The following LCA5L variants were observed in gnomAD, a reference collection of about 807,000 sequenced individuals.
The protein encoded by LCA5L is lebercilin LCA5 like.
A neutral mutation model predicts 45.4 loss-of-function variants in LCA5L; 35 were observed. That is an observed-to-expected ratio of 0.77 (90% CI 0.59 to 1.02). The LOEUF (loss-of-function observed/expected upper bound fraction) is 1.02. LCA5L is among the 50% of genes least tolerant of loss of function. LCA5L has a pLI of 0.00. For synonymous variants in LCA5L, 233 were observed against 264.7 expected (o/e 0.88, Z 1.16); for missense variants, 668 against 761.6 (o/e 0.88, Z 1.45).
Position 39,444,186 on chromosome 21 carries a change from C to G in LCA5L, c.-297G>C, listed in dbSNP as rs2077175034. On this transcript the variant is annotated 5_prime_UTR_variant, in exon 2 of 11. Transcript: ENST00000288350. Reference sequence around the variant, plus strand: ...ATCATTTGTCTGCATCTCAGTTTGCCTCTTTTGGTGCTTCTCTAAAAAATA... The same window carrying G: ...ATCATTTGTCTGCATCTCAGTTTGCGTCTTTTGGTGCTTCTCTAAAAAATA... The G allele has an allele frequency of 1.3e-5, 2 of 152,092 alleles. No individual in the cohort carries two copies. Among genetic ancestry groups the G allele is most frequent in the South Asian group, 2.1e-4 (1 of 4,828 alleles). The allele number at this position is 152,092 out of a possible 1,614,324, so 9.4% of individuals were successfully genotyped here.
intron 5 of LCA5L, 57 bp from the exon 6 acceptor site, chr21:39,423,547 G>T: frequency 7.1e-7 from 1 of 1,411,148 alleles, no homozygotes; most frequent in Non-Finnish European, 9.5e-7. Context: ...ATGCAAATAT[G>T]CACATATGCA....
chr21:39,437,236 C>G (rs2076374402), intron 2 of LCA5L, among the ~76,000 whole-genome samples: 1 of 152,134 alleles, frequency 6.6e-6, no homozygotes, highest in African/African-American at 2.4e-5. Flanking sequence ...AACAAAAAAA[C>G]AGCTTTAAGC....
intron 2 of LCA5L, among the ~76,000 whole-genome samples, chr21:39,438,462 A>T (rs1300027045): frequency 6.6e-6 from 1 of 152,166 alleles, no homozygotes; most frequent in Non-Finnish European, 1.5e-5. Flanking sequence ...TAAAAATATA[A>T]AACTTCCTTA....
At chr21:39,436,952 G>C (rs2076348668) in intron 2 of LCA5L, among the ~76,000 whole-genome samples, 2 of 151,874 alleles carry the variant, frequency 1.3e-5, no homozygotes, top group African/African-American at 2.4e-5. Context: ...TACTTCCTCA[G>C]CCTGTTTGTA....
chr21:39,410,134 G>T, intron 9 of LCA5L, 38 bp from the exon 10 acceptor site: 1 of 1,417,830 alleles, frequency 7.1e-7, no homozygotes, highest in Non-Finnish European at 9.9e-7. Flanking sequence ...CATTTTGGGG[G>T]GTCTAGATAA....
Position 39,423,489 on chromosome 21 carries a change from G to T in LCA5L, c.324C>A (p.Gly108=), listed in dbSNP as rs1341899116. The T allele has an allele frequency of 1.9e-6, 3 of 1,541,966 alleles. No individual in the cohort carries two copies. Among genetic ancestry groups the T allele is most frequent in the Non-Finnish European group, 2.6e-6 (3 of 1,155,472 alleles). The change falls in exon 6 of 11, where the codon GGC becomes GGA. Residue 108 remains glycine, a splice_region_variant and synonymous_variant. Transcript: ENST00000288350. ...TTTTTTCAACTGATATTTCCTTCTG[G>T]CCTGTGTAAGCAGAAAATCCAGTTT... ...YNVSKISQSK[G]QKEISVEKKH...
intron 2 of LCA5L, among the ~76,000 whole-genome samples, chr21:39,436,735 C>T (rs1333168890): frequency 2.0e-5 from 3 of 152,186 alleles, no homozygotes; most frequent in Non-Finnish European, 4.4e-5. Context: ...CCTGCCTTGG[C>T]CTCCCAAAGT....
At position 39,420,610 on chromosome 21, in the gene LCA5L, A is replaced by T. The variant is rs2042140306; in HGVS notation, c.975+96T>A. The T allele has an allele frequency of 2.7e-6, 3 of 1,106,738 alleles. No homozygotes were observed. In the African/African-American group the frequency reaches 4.7e-5, roughly 18 times the overall value. 68.6% of individuals were successfully genotyped at this position (1,106,738 alleles called of 1,614,324 possible). On this transcript the variant is annotated intron_variant, in intron 7 of 10. Coordinates refer to ENST00000288350, the MANE Select transcript of LCA5L (RefSeq NM_152505.4). ...GTAGAGGAGCCTTATATATGTATGT[A>T]AAATAAAAAATCACTTAAAGATATA...
chr21:39,425,055 G>T (rs2074427394), intron 5 of LCA5L, among the ~76,000 whole-genome samples: 1 of 152,242 alleles, frequency 6.6e-6, no homozygotes, highest in Non-Finnish European at 1.5e-5. Flanking sequence ...GTATATGTAT[G>T]TGTGCACCTG....
chr21:39,440,067 G>A (rs2076671475), intron 2 of LCA5L, among the ~76,000 whole-genome samples: 1 of 151,990 alleles, frequency 6.6e-6, no homozygotes, highest in Non-Finnish European at 1.5e-5. Context: ...GTATGTGTAT[G>A]TGTATATACA....
chr21:39,411,948 A>G, intron 7 of LCA5L, 146 bp from the exon 8 acceptor site: 1 of 535,632 alleles, frequency 1.9e-6, no homozygotes, highest in Non-Finnish European at 3.4e-6. Flanking sequence ...ATATCATCCT[A>G]TACCATTCCT....
intron 7 of LCA5L, among the ~76,000 whole-genome samples, chr21:39,415,298 C>T (rs1013589086): frequency 1.4e-4 from 21 of 152,270 alleles, no homozygotes; most frequent in African/African-American, 5.1e-4. Flanking sequence ...GCCATTTCTA[C>T]TCTTTTAAAA....
At chr21:39,406,684 G>C in intron 10 of LCA5L, 72 bp from the exon 11 acceptor site, 1 of 1,153,664 alleles carries the variant, frequency 8.7e-7, no homozygotes, top group Non-Finnish European at 1.2e-6. Flanking sequence ...GGCATGTCTA[G>C]TACACTTACG....
Position 39,428,156 on chromosome 21 carries a change from AAATTT to A in LCA5L, c.322+11_322+15del. On this transcript the variant is annotated intron_variant, in intron 5 of 10. Coordinates refer to ENST00000288350, the MANE Select transcript of LCA5L (RefSeq NM_152505.4). ...TGACAGAAATTTGGTCTTGCTTGGG[AAATTT>A]TACTCCTTACCTTTAGATTGGGAGA... 1.3e-6 allele frequency: 2 copies of A among 1,494,680 alleles called. No homozygotes were observed. Among genetic ancestry groups the A allele is most frequent in the Non-Finnish European group, 1.8e-6 (2 of 1,099,338 alleles). 92.6% of individuals were successfully genotyped at this position (1,494,680 alleles called of 1,614,324 possible).
intron 2 of LCA5L, among the ~76,000 whole-genome samples, chr21:39,443,159 T>C (rs772445241): frequency 3.3e-5 from 5 of 152,194 alleles, no homozygotes; most frequent in Non-Finnish European, 5.9e-5. Flanking sequence ...AGGGAAGCCA[T>C]ACTGGCTGAG....
chr21:39,442,353 G>A (rs1300854583), intron 2 of LCA5L, among the ~76,000 whole-genome samples: 1 of 152,192 alleles, frequency 6.6e-6, no homozygotes, highest in African/African-American at 2.4e-5. Context: ...GCCTTCGGAA[G>A]GCGTGTTTAT....
chr21:39,433,624 T>G (rs1279737036), intron 3 of LCA5L, among the ~76,000 whole-genome samples: 3 of 152,202 alleles, frequency 2.0e-5, no homozygotes, highest in African/African-American at 7.2e-5. Context: ...GCAAAGACTA[T>G]CCTTTTCCCA....
At chr21:39,417,277 T>G (rs1161489498) in intron 7 of LCA5L, among the ~76,000 whole-genome samples, 2 of 152,144 alleles carry the variant, frequency 1.3e-5, no homozygotes, top group Non-Finnish European at 2.9e-5. Flanking sequence ...TGACCTCAGG[T>G]GATCCGCCCA....
chr21:39,438,605 G>T (rs1294016263), intron 2 of LCA5L: 1 of 152,090 alleles, frequency 6.6e-6, no homozygotes, highest in East Asian at 1.9e-4. Flanking sequence ...ATGGGCAAAA[G>T]ATATGAATGC....
Sources: gnomAD v4.1 joint callset for allele counts (sites outside exome capture counted in the v4.1 genomes callset) on GRCh38, gnomAD v4.1.1 for gene constraint, MANE v1.5 for transcripts, NCBI Gene and HGNC (gene_info 2026-07-23, HGNC 2026-07-21) for gene names.